The following AUTS2 variants were observed in gnomAD, a reference collection of about 807,000 sequenced individuals.
AUTS2 encodes the protein activator of transcription and developmental regulator AUTS2, also known as autism susceptibility gene 2 protein.
AUTS2 carries 17 observed loss-of-function variants against 112.4 expected under a neutral mutation model. The ratio of observed to expected loss-of-function variants is 0.15; its 90% CI spans 0.10 to 0.23. AUTS2 has a LOEUF of 0.23. AUTS2 is among the 10% of genes least tolerant of loss of function. The pLI is 1.00. For missense variants in AUTS2, 1,510 were observed against 1,701.6 expected (o/e 0.89, Z 1.98); for synonymous variants, 751 against 702.7 (o/e 1.07, Z -1.09).
Position 70,790,254 on chromosome 7 carries a change from G to A in AUTS2, c.3038G>A (p.Ser1013Asn). 1.9e-6 allele frequency: 3 copies of A among 1,612,984 alleles called. No homozygotes were observed. The highest frequency in any genetic ancestry group is 2.5e-6 in the Non-Finnish European group (3 of 1,179,866). The change falls in exon 19 of 19, where the codon AGC becomes AAC. Residue 1013 changes from serine (S) to asparagine (N), a missense_variant. Physicochemically the swap from Ser to Asn is conservative, Grantham distance 46. Coordinates refer to ENST00000342771, the MANE Select transcript of AUTS2 (RefSeq NM_015570.4). This position sits in a 1 kb window ranked among gnomAD's most constrained non-coding sequence, Gnocchi z 7.6. ...CCGCCGCCTCCCAACTCCTCGTCCA[G>A]CGTGCACCCGGGGCCCCTGGCCTCG... ...SEPPPPNSSS[S>N]VHPGPLASMP...
chr7:70,247,212 G>C (rs1239114725), intron 4 of AUTS2, among the ~76,000 whole-genome samples: 1 of 152,156 alleles, frequency 6.6e-6, no homozygotes, highest in East Asian at 1.9e-4. Context: ...GTTGACCCAT[G>C]CTACAATATA....
intron 2 of AUTS2, among the ~76,000 whole-genome samples, chr7:69,991,446 G>A (rs913752605): frequency 5.9e-5 from 9 of 152,144 alleles, no homozygotes; most frequent in Admixed American, 2.6e-4. Flanking sequence ...CTCACTGTGC[G>A]AAAACCCATC....
chr7:69,961,462 T>C (rs1443594958), intron 2 of AUTS2, among the ~76,000 whole-genome samples: 6 of 152,184 alleles, frequency 3.9e-5, no homozygotes, highest in Admixed American at 3.9e-4. Flanking sequence ...TAGGAACCTT[T>C]TAGGAAAATC....
chr7:69,826,799 ATATT>A (rs1274798516), intron 1 of AUTS2, among the ~76,000 whole-genome samples: 1 of 152,168 alleles, frequency 6.6e-6, no homozygotes, highest in East Asian at 1.9e-4. Flanking sequence ...AAAGCTTAAT[ATATT>A]TAGTTTTGGA....
At chr7:69,990,602 A>G (rs935693727) in intron 2 of AUTS2, among the ~76,000 whole-genome samples, 2 of 152,226 alleles carry the variant, frequency 1.3e-5, no homozygotes, top group Admixed American at 6.5e-5. Flanking sequence ...TTGATCATAC[A>G]GATAATATAT....
chr7:70,138,689 C>T (rs907322859), intron 4 of AUTS2, among the ~76,000 whole-genome samples: 10 of 152,192 alleles, frequency 6.6e-5, no homozygotes, highest in Non-Finnish European at 1.0e-4. Context: ...CTCACTTCTA[C>T]TCAGTGATTA....
intron 1 of AUTS2, among the ~76,000 whole-genome samples, chr7:69,626,317 C>G (rs555277678): frequency 2.0e-5 from 3 of 152,026 alleles, no homozygotes; most frequent in Non-Finnish European, 4.4e-5. Flanking sequence ...CCTGGAGGTG[C>G]GATTTAATTA....
At chr7:70,003,633 A>T (rs1799354887) in intron 2 of AUTS2, among the ~76,000 whole-genome samples, 1 of 115,536 alleles carries the variant, frequency 8.7e-6, no homozygotes, top group African/African-American at 3.6e-5. Flanking sequence ...AGTATCTATA[A>T]TATATATGAA....
intron 1 of AUTS2, among the ~76,000 whole-genome samples, chr7:69,641,028 C>CGGAA (rs1157056555): frequency 2.0e-5 from 3 of 152,126 alleles, no homozygotes; most frequent in Non-Finnish European, 4.4e-5. Flanking sequence ...TTTACAGTTA[C>CGGAA]GGAAGTTGAA....
chr7:70,581,590 A>G (rs1802447700), intron 5 of AUTS2, among the ~76,000 whole-genome samples: 1 of 152,150 alleles, frequency 6.6e-6, no homozygotes. Context: ...ACCAGAGACT[A>G]ACTATGCACA....
At chr7:69,859,125 G>A (rs1792864256) in intron 1 of AUTS2, among the ~76,000 whole-genome samples, 1 of 152,194 alleles carries the variant, frequency 6.6e-6, no homozygotes, top group Non-Finnish European at 1.5e-5. Flanking sequence ...GAAAGCAAGA[G>A]CTATTAACCA....
chr7:70,030,735 C>T (rs1418556913), intron 2 of AUTS2, among the ~76,000 whole-genome samples: 2 of 152,044 alleles, frequency 1.3e-5, no homozygotes, highest in South Asian at 2.1e-4. Flanking sequence ...AATAGTAAAA[C>T]GTTCATAGTT....
At chr7:69,782,994 C>A (rs1789207139) in intron 1 of AUTS2, among the ~76,000 whole-genome samples, 1 of 152,056 alleles carries the variant, frequency 6.6e-6, no homozygotes, top group Admixed American at 6.5e-5. Flanking sequence ...TACCCAAATC[C>A]ATGGTCCACA....
Position 70,435,783 on chromosome 7 carries a change from T to C in AUTS2, c.690+2T>C. The C allele has an allele frequency of 6.2e-7, 1 of 1,613,918 alleles. No individual in the cohort carries two copies. Among genetic ancestry groups the C allele is most frequent in the South Asian group, 1.1e-5 (1 of 91,070 alleles). Reference sequence around the variant, plus strand: ...AGTGACAGTGACCAGGAAGAGAAGGTAAGACCCCCCCTCCCCCATTGTGGG... The same window carrying C: ...AGTGACAGTGACCAGGAAGAGAAGGCAAGACCCCCCCTCCCCCATTGTGGG... On this transcript the variant is annotated splice_donor_variant, in intron 5 of 18. Transcript: ENST00000342771. LOFTEE classifies it high-confidence loss of function.
chr7:69,819,179 A>C (rs1000179891), intron 1 of AUTS2, among the ~76,000 whole-genome samples: 2 of 152,238 alleles, frequency 1.3e-5, no homozygotes, highest in Admixed American at 6.5e-5. Flanking sequence ...GCAACACATC[A>C]AATAAACTCA....
At chr7:70,375,780 A>T (rs2129631208) in intron 4 of AUTS2, among the ~76,000 whole-genome samples, 1 of 152,306 alleles carries the variant, frequency 6.6e-6, no homozygotes, top group Admixed American at 6.5e-5. Context: ...AGCAAATTCT[A>T]AACCAGCTGT....
At chr7:69,765,718 T>C (rs772908279) in intron 1 of AUTS2, among the ~76,000 whole-genome samples, 15 of 152,142 alleles carry the variant, frequency 9.9e-5, no homozygotes, top group Non-Finnish European at 1.9e-4. Flanking sequence ...AGCGGGAGGA[T>C]TGCTTGAGCT....
chr7:69,626,848 C>T (rs1793976077), intron 1 of AUTS2, among the ~76,000 whole-genome samples: 1 of 152,048 alleles, frequency 6.6e-6, no homozygotes, highest in Non-Finnish European at 1.5e-5. Flanking sequence ...TTAAAAAGGT[C>T]TTGTGTGATC....
At chr7:70,294,349 A>G (rs908202695) in intron 4 of AUTS2, 1 of 152,218 alleles carries the variant, frequency 6.6e-6, no homozygotes, top group Admixed American at 6.5e-5. Context: ...ATAAAACAAC[A>G]TATTTATTTC....
Sources: allele counts gnomAD v4.1 joint callset (sites outside exome capture counted in the v4.1 genomes callset), GRCh38; gene constraint gnomAD v4.1.1; non-coding constraint Gnocchi (gnomAD v3.1); transcripts MANE v1.5; gene names NCBI Gene and HGNC (gene_info 2026-07-23, HGNC 2026-07-21).